The following FBXW4 variants were observed in gnomAD, a reference collection of about 807,000 sequenced individuals.
FBXW4 encodes F-box/WD repeat-containing protein 4.
In FBXW4, 40 loss-of-function variants were observed where a neutral mutation model predicts 61.8. That is an observed-to-expected ratio of 0.65 (90% CI 0.50 to 0.84). The LOEUF is 0.84. FBXW4 is among the 40% of genes least tolerant of loss of function. The pLI, the probability that FBXW4 is intolerant of heterozygous loss-of-function variation, is 0.00. For synonymous variants in FBXW4, 311 were observed against 313.8 expected (o/e 0.99, Z 0.10); for missense variants, 672 against 753.8 (o/e 0.89, Z 1.27).
chr10:101,665,651 G>A (rs1339783147), intron 5 of FBXW4, among the ~76,000 whole-genome samples: 5 of 152,140 alleles, frequency 3.3e-5, no homozygotes, highest in Admixed American at 3.3e-4. Context: ...CTTCCCCAAA[G>A]TCAGTCTCCA....
At chr10:101,678,908 G>T (rs1257166774) in intron 1 of FBXW4, among the ~76,000 whole-genome samples, 1 of 151,984 alleles carries the variant, frequency 6.6e-6, no homozygotes, top group African/African-American at 2.4e-5. Context: ...GCCTCCTGGT[G>T]TTATTTCACT....
At chr10:101,670,902 G>A (rs990361019) in intron 4 of FBXW4, among the ~76,000 whole-genome samples, 2 of 152,140 alleles carry the variant, frequency 1.3e-5, no homozygotes, top group East Asian at 3.8e-4. Context: ...ACAGTCCCTA[G>A]CTCAGAAGTC....
intron 6 of FBXW4, among the ~76,000 whole-genome samples, chr10:101,619,572 T>C (rs961862974): frequency 4.0e-5 from 6 of 150,478 alleles, no homozygotes; most frequent in Admixed American, 2.0e-4. Context: ...GGCAGGAGGA[T>C]GGCGTGAACC....
intron 5 of FBXW4, among the ~76,000 whole-genome samples, chr10:101,649,657 T>C (rs2064130087): frequency 6.6e-6 from 1 of 152,144 alleles, no homozygotes; most frequent in African/African-American, 2.4e-5. Flanking sequence ...TCTTTCTCCT[T>C]GTCAGGCCTG....
At chr10:101,673,804 T>A (rs1485577441) in intron 2 of FBXW4, 131 bp from the exon 3 acceptor site, 1 of 810,058 alleles carries the variant, frequency 1.2e-6, no homozygotes, top group African/African-American at 1.7e-5. Flanking sequence ...CTATACTTGA[T>A]ACCCTCCTTC....
intron 6 of FBXW4, among the ~76,000 whole-genome samples, chr10:101,620,905 C>G (rs2063862260): frequency 1.3e-5 from 2 of 152,122 alleles, no homozygotes; most frequent in South Asian, 4.1e-4. Flanking sequence ...CCTTAGAACT[C>G]CATCCTGACC....
chr10:101,682,794 T>C (rs1326419996), intron 1 of FBXW4, among the ~76,000 whole-genome samples: 1 of 151,684 alleles, frequency 6.6e-6, no homozygotes, highest in Non-Finnish European at 1.5e-5. Context: ...AAGAAGAATA[T>C]CATAATCAAA....
chr10:101,668,803 A>T (rs1200828315), intron 4 of FBXW4, among the ~76,000 whole-genome samples: 1 of 152,038 alleles, frequency 6.6e-6, no homozygotes, highest in East Asian at 1.9e-4. Context: ...ACTTCACCCT[A>T]CCCTAGATGA....
At chr10:101,678,031 G>A (rs935644124) in intron 1 of FBXW4, among the ~76,000 whole-genome samples, 19 of 152,188 alleles carry the variant, frequency 1.2e-4, no homozygotes, top group Non-Finnish European at 2.4e-4. Flanking sequence ...CCTAGGTGGT[G>A]CATATATGAG....
chr10:101,673,661 C>G lies in FBXW4; in HGVS notation c.834G>C (p.Trp278Cys). ...ACAGAGAATCATCCTCTAGCTGCAT[C>G]CAGGGCATCTGACTGAAATGATGGA... ...LLKWRCSQMP[W>C]MQLEDDSLYI... The change falls in exon 3 of 9, where the codon TGG (tryptophan) becomes TGC (cysteine). Residue 278 changes from tryptophan to cysteine, a missense_variant. Transcript: ENST00000331272. 6.2e-7 allele frequency: 1 copy of G among 1,613,108 alleles called. No individual in the cohort carries two copies. The highest frequency in any genetic ancestry group is 8.5e-7 in the Non-Finnish European group (1 of 1,179,130).
intron 5 of FBXW4, among the ~76,000 whole-genome samples, chr10:101,633,562 G>A (rs1042623061): frequency 1.6e-4 from 24 of 152,024 alleles, no homozygotes; most frequent in Non-Finnish European, 8.8e-5. Flanking sequence ...AAACCCGCAC[G>A]TTCTGTACAT....
intron 5 of FBXW4, among the ~76,000 whole-genome samples, chr10:101,647,004 G>A (rs926235833): frequency 1.3e-5 from 2 of 152,158 alleles, no homozygotes; most frequent in Non-Finnish European, 2.9e-5. Flanking sequence ...TGGGGTGCAA[G>A]CATGGCTTCA....
At chr10:101,691,473 C>T (rs1233104136) in intron 1 of FBXW4, among the ~76,000 whole-genome samples, 2 of 152,188 alleles carry the variant, frequency 1.3e-5, no homozygotes, top group Non-Finnish European at 2.9e-5. Flanking sequence ...TACCCTAGGA[C>T]ATGGGCGAGA....
chr10:101,636,917 C>A (rs561820085), intron 5 of FBXW4, among the ~76,000 whole-genome samples: 1 of 152,096 alleles, frequency 6.6e-6, no homozygotes, highest in African/African-American at 2.4e-5. Flanking sequence ...GTATCACTAT[C>A]TTTTAGAGTA....
chr10:101,641,113 G>A (rs1453551228), intron 5 of FBXW4, among the ~76,000 whole-genome samples: 8 of 152,300 alleles, frequency 5.3e-5, no homozygotes, highest in African/African-American at 1.7e-4. Context: ...TTACAGGCAT[G>A]AGCCACCGCG....
intron 5 of FBXW4, among the ~76,000 whole-genome samples, chr10:101,645,421 CCT>C (rs1173074662): frequency 1.3e-5 from 2 of 152,180 alleles, no homozygotes; most frequent in East Asian, 1.9e-4. Flanking sequence ...TTCCTGTGCC[CCT>C]GTGTCAGTCC....
chr10:101,658,610 C>T (rs954017133), intron 5 of FBXW4, among the ~76,000 whole-genome samples: 1 of 152,076 alleles, frequency 6.6e-6, no homozygotes, highest in African/African-American at 2.4e-5. Flanking sequence ...ATTCTAGATA[C>T]TGAAATCTGA....
intron 5 of FBXW4, among the ~76,000 whole-genome samples, chr10:101,639,137 G>A (rs2064029134): frequency 6.6e-6 from 1 of 152,222 alleles, no homozygotes; most frequent in South Asian, 2.1e-4. Flanking sequence ...TTCCTTTGGA[G>A]GAAGCCTGGG....
intron 5 of FBXW4, among the ~76,000 whole-genome samples, chr10:101,629,861 C>A (rs2063937518): frequency 1.3e-5 from 2 of 152,062 alleles, no homozygotes; most frequent in South Asian, 4.2e-4. Flanking sequence ...GACAAATGAA[C>A]AAATGACTCC....
Sources: allele counts gnomAD v4.1 joint callset (sites outside exome capture counted in the v4.1 genomes callset), GRCh38; gene constraint gnomAD v4.1.1; transcripts MANE v1.5; gene names NCBI Gene and HGNC (gene_info 2026-07-23, HGNC 2026-07-21).